The following SGCZ variants were observed in gnomAD, a reference collection of about 807,000 sequenced individuals.
SGCZ encodes zeta-sarcoglycan.
In SGCZ, 40 loss-of-function variants were observed where a neutral mutation model predicts 41.3. That is an observed-to-expected ratio of 0.97 (90% confidence interval 0.75 to 1.26). The LOEUF (loss-of-function observed/expected upper bound fraction) is 1.26. Among genes scored for constraint, SGCZ ranks in the 50% most tolerant of loss-of-function variants. SGCZ has a pLI of 0.00. For synonymous variants in SGCZ, 206 were observed against 137.5 expected (o/e 1.50, Z -3.49); for missense variants, 552 against 369.8 (o/e 1.49, Z -4.04).
At chr8:14,723,551 TC>T (rs1467173762) in intron 1 of SGCZ, among the ~76,000 whole-genome samples, 1 of 152,120 alleles carries the variant, frequency 6.6e-6, no homozygotes, top group Non-Finnish European at 1.5e-5. Flanking sequence ...TGCCCATCCC[TC>T]AGGGCACCCC....
intron 2 of SGCZ, among the ~76,000 whole-genome samples, chr8:14,540,935 T>C (rs117142993): frequency 0.017 from 2,538 of 151,694 alleles, 40 homozygotes; most frequent in Middle Eastern, 0.028. Flanking sequence ...TTAGTTGATG[T>C]TAACTTCATT....
chr8:15,101,790 C>A (rs574398639), intron 1 of SGCZ, among the ~76,000 whole-genome samples: 6 of 152,254 alleles, frequency 3.9e-5, no homozygotes, highest in African/African-American at 1.4e-4. Flanking sequence ...ATTAGCTGGG[C>A]ATGGTCGTGC....
chr8:15,083,116 C>G (rs779595753), intron 1 of SGCZ, among the ~76,000 whole-genome samples: 1 of 152,122 alleles, frequency 6.6e-6, no homozygotes, highest in Admixed American at 6.5e-5. Flanking sequence ...TTAACACAAA[C>G]AGAATAACAC....
At chr8:15,091,648 T>A (rs958239904) in intron 1 of SGCZ, among the ~76,000 whole-genome samples, 2 of 152,214 alleles carry the variant, frequency 1.3e-5, no homozygotes, top group African/African-American at 4.8e-5. Context: ...AAATTTCCAA[T>A]TTAAATAAGG....
chr8:14,769,793 T>TAAAAAAAAAAAAAAAAAAAAAAAAAA (rs565416806), intron 1 of SGCZ, among the ~76,000 whole-genome samples: 1 of 52,202 alleles, frequency 1.9e-5, no homozygotes, highest in Non-Finnish European at 3.2e-5. Flanking sequence ...AAAACACCAT[T>TAAAAAAAAAAAAAAAAAAAAAAAAAA]AAAAAAAAAA....
rs968809076 is a variant in SGCZ, at chr8:14,664,210, C to G, written c.40-109284G>C. 2.6e-5 allele frequency among the ~76,000 whole-genome samples: 4 copies of G among 152,236 alleles called. No individual in the cohort carries two copies. The South Asian group carries it at 8.3e-4, about 32-fold the overall frequency. On this transcript the variant is annotated intron_variant, in intron 1 of 7. Transcript: ENST00000382080. ...AATAGGATTTGAACTTAGAATTAAA[C>G]ATTTTTCCATTGCATTGAGCACACA...
chr8:14,574,477 G>A (rs1185275297), intron 1 of SGCZ, among the ~76,000 whole-genome samples: 1 of 152,166 alleles, frequency 6.6e-6, no homozygotes, highest in African/African-American at 2.4e-5. Flanking sequence ...GAGGGATCCT[G>A]CCATGTACCA....
chr8:14,239,725 A>T (rs1363199453), intron 3 of SGCZ, among the ~76,000 whole-genome samples: 3 of 150,748 alleles, frequency 2.0e-5, no homozygotes, highest in Non-Finnish European at 4.4e-5. Flanking sequence ...AAACGGTGAA[A>T]CCCCGTCTCT....
rs1256914438 is a variant in SGCZ, at chr8:14,108,240, G to C, written c.548-5C>G. 1 of 1,613,944 alleles carries C rather than the reference G, an allele frequency of 6.2e-7. No homozygotes were observed. Among genetic ancestry groups the C allele is most frequent in the Admixed American group, 1.7e-5 (1 of 59,992 alleles). On this transcript the variant is annotated splice_polypyrimidine_tract_variant and splice_region_variant and intron_variant, in intron 5 of 7. Coordinates refer to ENST00000382080, the MANE Select transcript of SGCZ (RefSeq NM_139167.4). The stretch of plus-strand genomic sequence containing the variant: ...CAAATACGGCTCCTTCAGTGCCTGG[G>C]GGTAGCATGAATATAGCAGTCAGTA...
intron 1 of SGCZ, among the ~76,000 whole-genome samples, chr8:15,065,364 C>T (rs1446258069): frequency 6.6e-6 from 1 of 151,452 alleles, no homozygotes; most frequent in Non-Finnish European, 1.5e-5. Context: ...TAGTTAGGAC[C>T]CTATGCTTAC....
intron 1 of SGCZ, among the ~76,000 whole-genome samples, chr8:15,015,637 G>A (rs1340067664): frequency 1.6e-5 from 2 of 121,388 alleles, no homozygotes; most frequent in East Asian, 2.5e-4. Flanking sequence ...GCAGTGAGCC[G>A]AAATCACGCC....
intron 1 of SGCZ, among the ~76,000 whole-genome samples, chr8:14,670,011 A>T (rs181535114): frequency 1.1e-4 from 16 of 152,334 alleles, no homozygotes; most frequent in African/African-American, 3.6e-4. Context: ...GATATTTTGG[A>T]AGCAATAACT....
intron 1 of SGCZ, among the ~76,000 whole-genome samples, chr8:14,944,092 A>G: frequency 6.6e-6 from 1 of 152,144 alleles, no homozygotes; most frequent in Non-Finnish European, 1.5e-5. Context: ...CTGTTAAACT[A>G]ATAATTCAAC....
intron 1 of SGCZ, among the ~76,000 whole-genome samples, chr8:14,690,225 C>T (rs148067829): frequency 4.6e-5 from 7 of 151,230 alleles, no homozygotes; most frequent in South Asian, 2.1e-4. Flanking sequence ...ATGCCTATTA[C>T]GGTCTGAAAT....
At chr8:14,911,830 T>C (rs1265813498) in intron 1 of SGCZ, among the ~76,000 whole-genome samples, 1 of 151,912 alleles carries the variant, frequency 6.6e-6, no homozygotes, top group Non-Finnish European at 1.5e-5. Flanking sequence ...AAGACACATC[T>C]TATCTCTACA....
chr8:15,109,333 T>A (rs1050075114), intron 1 of SGCZ, among the ~76,000 whole-genome samples: 5 of 152,162 alleles, frequency 3.3e-5, no homozygotes, highest in African/African-American at 4.8e-5. Flanking sequence ...CTAAAATTCA[T>A]GTTTCTAGAT....
intron 1 of SGCZ, among the ~76,000 whole-genome samples, chr8:14,943,441 C>T (rs1364746825): frequency 2.0e-5 from 3 of 152,144 alleles, no homozygotes; most frequent in Non-Finnish European, 4.4e-5. Context: ...CTCTTTGGAT[C>T]TATACTGATG....
At chr8:14,554,682 A>G (rs369001571) in intron 2 of SGCZ, 50 bp downstream of exon 2, 2 of 1,479,204 alleles carry the variant, frequency 1.4e-6, no homozygotes, top group African/African-American at 2.8e-5. Context: ...ACAGAGCTAG[A>G]TTGTCTCTGA....
At chr8:14,337,857 G>A (rs140025695) in intron 2 of SGCZ, among the ~76,000 whole-genome samples, 5 of 152,154 alleles carry the variant, frequency 3.3e-5, no homozygotes, top group Non-Finnish European at 7.4e-5. Flanking sequence ...GGAGATGGCA[G>A]AGCATTGACA....
Sources: allele counts gnomAD v4.1 joint callset (sites outside exome capture counted in the v4.1 genomes callset), GRCh38; gene constraint gnomAD v4.1.1; transcripts MANE v1.5; gene names NCBI Gene and HGNC (gene_info 2026-07-23, HGNC 2026-07-21).